The following PCDHGA4 variants were observed in gnomAD, a reference collection of about 807,000 sequenced individuals.
PCDHGA4 encodes protocadherin gamma-A4.
In PCDHGA4, 38 loss-of-function variants were observed where a neutral mutation model predicts 54.6. That is an observed-to-expected ratio of 0.70 (90% confidence interval 0.54 to 0.91). The LOEUF is 0.91. PCDHGA4 is among the 40% of genes least tolerant of loss of function. PCDHGA4 has a pLI of 0.00. For missense variants in PCDHGA4, 1,298 were observed against 1,220.9 expected, an observed-to-expected ratio of 1.06 and a Z score of -0.94; for synonymous variants, 511 against 512.9, an observed-to-expected ratio of 1.00 and a Z score of 0.05.
At chr5:141,364,831 C>T (rs1391925170) in intron 1 of PCDHGA4, 1 of 1,613,892 alleles carries the variant, frequency 6.2e-7, no homozygotes, top group Non-Finnish European at 8.5e-7. Context: ...TGAACTCTCT[C>T]CGGAGTTACC....
rs377060474 is a variant in PCDHGA4, at chr5:141,487,810, C to A, written c.2515-6997C>A. The A allele has an allele frequency of 7.4e-4, 1,055 of 1,417,844 alleles. 13 individuals carry two copies. In the South Asian group the frequency reaches 0.013, roughly 17 times the overall value. The allele number at this position is 1,417,844 out of a possible 1,614,324, so 87.8% of individuals were successfully genotyped here. A position where few individuals can be genotyped will look rare whatever the true frequency, so the allele number is the denominator to read the frequency against. ...ATTAACCAGAGTTGTCACAGTTTAG[C>A]ATTGGGGGCGGGTCATGCCTATATC... On this transcript the variant is annotated intron_variant, in intron 1 of 3. Transcript: ENST00000571252. The surrounding 1 kb of genome is among the most constrained non-coding windows in gnomAD (Gnocchi z 5.0).
chr5:141,487,001 C>T lies in PCDHGA4; in HGVS notation c.2515-7806C>T. ...TTACAATGCTTGGGTTTCCTATCAG[C>T]TCCTGGAGGCCCCAGATCCCAGCCT... On this transcript the variant is annotated intron_variant, in intron 1 of 3. Transcript: ENST00000571252. This position sits in a 1 kb window ranked among gnomAD's most constrained non-coding sequence, Gnocchi z 5.0. 6.2e-7 allele frequency: 1 copy of T among 1,614,218 alleles called. No individual in the cohort carries two copies. The highest frequency in any genetic ancestry group is 8.5e-7 in the Non-Finnish European group (1 of 1,180,038).
chr5:141,365,875 T>C (rs1408418320), intron 1 of PCDHGA4: 1 of 1,614,106 alleles, frequency 6.2e-7, no homozygotes, highest in South Asian at 1.1e-5. Flanking sequence ...GTGTCCTGTA[T>C]GCTCTGAGAT....
Position 141,476,242 on chromosome 5 carries a change from G to T in PCDHGA4, c.2515-18565G>T. ...ACTATGAGATCCCGGAGGAAAGAGA[G>T]AAGGGTTTCGCTGTGGGCAACGTGG... is the stretch of plus-strand genomic sequence containing the variant. On this transcript the variant is annotated intron_variant, in intron 1 of 3. Coordinates refer to ENST00000571252, the MANE Select transcript of PCDHGA4 (RefSeq NM_018917.4). The surrounding 1 kb of genome is among the most constrained non-coding windows in gnomAD (Gnocchi z 7.6). 6.2e-7 allele frequency: 1 copy of T among 1,614,100 alleles called. No individual in the cohort carries two copies.
chr5:141,499,268 G>C (rs564234341), intron 2 of PCDHGA4, among the ~76,000 whole-genome samples: 1 of 152,224 alleles, frequency 6.6e-6, no homozygotes, highest in South Asian at 2.1e-4. Flanking sequence ...TTGGTCCCTA[G>C]ACTGTTCTCT....
chr5:141,489,283 G>A lies in PCDHGA4; in HGVS notation c.2515-5524G>A. The A allele has an allele frequency of 6.4e-7, 1 of 1,569,594 alleles. No homozygotes were observed. Among genetic ancestry groups the A allele is most frequent in the Admixed American group, 1.8e-5 (1 of 55,646 alleles). ...CCCACAGCTCGCTGGGAAATGGCAA[G>A]TGCTGTGCATGTTGTCCTTGTGCTG... On this transcript the variant is annotated intron_variant, in intron 1 of 3. Coordinates refer to ENST00000571252, the MANE Select transcript of PCDHGA4 (RefSeq NM_018917.4). This position sits in a 1 kb window ranked among gnomAD's most constrained non-coding sequence, Gnocchi z 4.5.
intron 1 of PCDHGA4, chr5:141,399,419 G>T (rs778389329): frequency 6.2e-7 from 1 of 1,614,000 alleles, no homozygotes; most frequent in Admixed American, 1.7e-5. Context: ...CTCTCCTCCA[G>T]CATAAGCGTC....
chr5:141,374,184 C>G (rs369352283), intron 1 of PCDHGA4: 8 of 1,613,676 alleles, frequency 5.0e-6, no homozygotes, highest in Middle Eastern at 3.3e-4. Context: ...ATCCGCTACT[C>G]TATTCCCGAG....
In PCDHGA4 at chr5:141,375,892, G is replaced by C. The variant is rs753797132; in HGVS notation, c.2514+18271G>C. On this transcript the variant is annotated intron_variant, in intron 1 of 3. Transcript: ENST00000571252. ...ACAGAGACTCGGGCCAGAACGCCTG[G>C]CTGTCCTACCGCCTGCTCAAGGCCA... is the stretch of plus-strand genomic sequence containing the variant. 5 of 1,613,676 alleles carry C rather than the reference G, an allele frequency of 3.1e-6. No individual in the cohort carries two copies. In the Admixed American group the frequency reaches 8.3e-5, roughly 27 times the overall value.
rs35482758 is a variant in PCDHGA4, at chr5:141,473,653, G to A, written c.2515-21154G>A. On this transcript the variant is annotated intron_variant, in intron 1 of 3. Coordinates refer to ENST00000571252, the MANE Select transcript of PCDHGA4 (RefSeq NM_018917.4). ...AGCTTTCCTGGCAAAGGAACAATTT[G>A]TGTGAAGGCCCTGAGACAGGGAAGG... Among the ~76,000 whole-genome samples, 302 of 152,274 alleles carry A rather than the reference G, an allele frequency of 2.0e-3. 1 individual carries two copies. Among genetic ancestry groups the A allele is most frequent in the Middle Eastern group, 0.01 (3 of 294 alleles).
At chr5:141,430,751 A>G in intron 1 of PCDHGA4, 1 of 1,496,066 alleles carries the variant, frequency 6.7e-7, no homozygotes, top group Non-Finnish European at 8.9e-7. Context: ...ATTCTGGAGG[A>G]AGATAAGAAT....
At chr5:141,394,982 C>T (rs754667421) in intron 1 of PCDHGA4, 16 of 1,613,866 alleles carry the variant, frequency 9.9e-6, no homozygotes, top group Non-Finnish European at 1.3e-5. Context: ...ACAAGTCACG[C>T]CTGCTCCAGG....
At chr5:141,505,673 G>C (rs1389292278) in intron 3 of PCDHGA4, among the ~76,000 whole-genome samples, 192 bp downstream of exon 3, 1 of 152,178 alleles carries the variant, frequency 6.6e-6, no homozygotes, top group East Asian at 1.9e-4. Context: ...AGGGGTTGGG[G>C]GTCCTGGGAT....
intron 1 of PCDHGA4, chr5:141,375,214 C>A: frequency 6.2e-7 from 1 of 1,613,928 alleles, no homozygotes. Flanking sequence ...GAGACTCTGG[C>A]CTGAATGGCC....
At chr5:141,456,020 C>A (rs2098840631) in intron 1 of PCDHGA4, among the ~76,000 whole-genome samples, 2 of 151,952 alleles carry the variant, frequency 1.3e-5, no homozygotes, top group South Asian at 4.2e-4. Flanking sequence ...GCCTCAGCCT[C>A]CCGAGTAGCT....
At chr5:141,459,303 T>C (rs1419156629) in intron 1 of PCDHGA4, among the ~76,000 whole-genome samples, 1 of 152,242 alleles carries the variant, frequency 6.6e-6, no homozygotes, top group Non-Finnish European at 1.5e-5. Context: ...CTATAACATA[T>C]ACTATTTTGT....
At chr5:141,449,252 T>C (rs1401555556) in intron 1 of PCDHGA4, among the ~76,000 whole-genome samples, 1 of 152,144 alleles carries the variant, frequency 6.6e-6, no homozygotes, top group Non-Finnish European at 1.5e-5. Flanking sequence ...GTTGCAAGAA[T>C]TGTACAAAGA....
chr5:141,399,361 C>A (rs375619778), intron 1 of PCDHGA4: 1 of 1,613,960 alleles, frequency 6.2e-7, no homozygotes. Context: ...AGAGCAAACC[C>A]CGGAGTACAA....
chr5:141,483,606 C>T (rs1460635551), intron 1 of PCDHGA4, among the ~76,000 whole-genome samples: 1 of 151,984 alleles, frequency 6.6e-6, no homozygotes, highest in Non-Finnish European at 1.5e-5. Flanking sequence ...CTGGTTTACA[C>T]CTCCATCATT....
Sources: gnomAD v4.1 joint callset for allele counts (sites outside exome capture counted in the v4.1 genomes callset) on GRCh38, gnomAD v4.1.1 for gene constraint, Gnocchi (gnomAD v3.1) non-coding constraint, MANE v1.5 for transcripts, NCBI Gene and HGNC (gene_info 2026-07-23, HGNC 2026-07-21) for gene names.